The following VPS45 variants were observed in gnomAD, a reference collection of about 807,000 sequenced individuals.
The protein encoded by VPS45 is vacuolar protein sorting 45 homolog, also known as vacuolar protein sorting-associated protein 45.
In VPS45, 35 loss-of-function variants were observed where a neutral mutation model predicts 75.9. The observed-to-expected ratio is 0.46, with a 90% confidence interval of 0.35 to 0.61. The LOEUF (loss-of-function observed/expected upper bound fraction) is 0.61, where lower values mean the gene tolerates loss of function less well. VPS45 is among the 20% of genes least tolerant of loss of function. The pLI is 0.00. For missense variants in VPS45, 559 were observed against 685.9 expected, an observed-to-expected ratio of 0.81 and a Z score of 2.07; for synonymous variants, 220 against 238.2, an observed-to-expected ratio of 0.92 and a Z score of 0.70.
chr1:150,117,236 G>GT (rs1657986348), intron 14 of VPS45, among the ~76,000 whole-genome samples: 1 of 149,354 alleles, frequency 6.7e-6, no homozygotes, highest in South Asian at 2.1e-4. Context: ...ATAATAAGTA[G>GT]GGGGGCCAGG....
intron 14 of VPS45, among the ~76,000 whole-genome samples, chr1:150,140,386 G>GGTGTGTGTGTGT (rs574312693): frequency 0.018 from 2,567 of 140,364 alleles, 53 homozygotes; most frequent in African/African-American, 0.045. Context: ...CATCACTTCT[G>GGTGTGTGTGTGT]GTGTGTGTGT....
At chr1:150,126,943 G>T (rs932983913) in intron 14 of VPS45, among the ~76,000 whole-genome samples, 5 of 152,158 alleles carry the variant, frequency 3.3e-5, no homozygotes, top group Admixed American at 2.0e-4. Flanking sequence ...AAATGGAATA[G>T]TTTCTCACTG....
intron 10 of VPS45, among the ~76,000 whole-genome samples, chr1:150,088,455 A>C (rs1446668557): frequency 8.4e-6 from 1 of 118,708 alleles, no homozygotes; most frequent in African/African-American, 3.3e-5. Flanking sequence ...ATATATATAT[A>C]TGCTGCTATT....
chr1:150,120,000 A>G (rs1200355644), intron 14 of VPS45, among the ~76,000 whole-genome samples: 4 of 152,126 alleles, frequency 2.6e-5, no homozygotes, highest in Non-Finnish European at 5.9e-5. Context: ...CCCAGCTACT[A>G]GGGAGGCTGA....
intron 10 of VPS45, among the ~76,000 whole-genome samples, chr1:150,088,434 A>AATATATAT (rs200780573): frequency 0.016 from 1,991 of 125,430 alleles, 25 homozygotes; most frequent in African/African-American, 0.029. Context: ...CTGAATAATA[A>AATATATAT]ATATATATAT....
intron 13 of VPS45, among the ~76,000 whole-genome samples, chr1:150,107,691 A>T (rs2101602531): frequency 6.6e-6 from 1 of 152,324 alleles, no homozygotes; most frequent in African/African-American, 2.4e-5. Context: ...TGAGGTCAGG[A>T]GTTCAAGACC....
At chr1:150,093,232 A>G (rs781553777) in intron 12 of VPS45, among the ~76,000 whole-genome samples, 2 of 151,860 alleles carry the variant, frequency 1.3e-5, no homozygotes, top group African/African-American at 2.4e-5. Context: ...TATTTGCTCT[A>G]CCTATCATTT....
At chr1:150,128,548 C>T (rs587775440) in intron 14 of VPS45, among the ~76,000 whole-genome samples, 40 of 152,194 alleles carry the variant, frequency 2.6e-4, no homozygotes, top group African/African-American at 9.4e-4. Context: ...TAGATTTCCA[C>T]CTAAACAAGT....
chr1:150,082,529 A>AAAT (rs1328713225), intron 9 of VPS45, among the ~76,000 whole-genome samples, 187 bp from the exon 10 acceptor site: 1 of 150,132 alleles, frequency 6.7e-6, no homozygotes, highest in Non-Finnish European at 1.5e-5. Context: ...AAAAAAAAAA[A>AAAT]CTCAGTCTAC....
chr1:150,101,467 G>T (rs1553804291), intron 13 of VPS45, among the ~76,000 whole-genome samples: 1 of 152,012 alleles, frequency 6.6e-6, no homozygotes, highest in African/African-American at 2.4e-5. Context: ...TGGGCATGGT[G>T]GTTCACGCCT....
At chr1:150,071,063 C>T (rs1178785907) in intron 2 of VPS45, among the ~76,000 whole-genome samples, 3 of 151,814 alleles carry the variant, frequency 2.0e-5, no homozygotes, top group African/African-American at 7.3e-5. Context: ...ATTTTTAAAT[C>T]TAAATTACAA....
intron 14 of VPS45, among the ~76,000 whole-genome samples, chr1:150,134,586 G>A (rs1658981865): frequency 2.0e-5 from 3 of 152,066 alleles, no homozygotes; most frequent in Admixed American, 2.0e-4. Context: ...GAAGAAGATT[G>A]TGTTTTTAGC....
chr1:150,092,980 C>CT (rs1393694998), intron 12 of VPS45, among the ~76,000 whole-genome samples: 2 of 149,026 alleles, frequency 1.3e-5, no homozygotes. Context: ...GTAGCTGGGA[C>CT]TACAGGCATA....
At chr1:150,102,597 A>G (rs587729617) in intron 13 of VPS45, among the ~76,000 whole-genome samples, 1 of 151,422 alleles carries the variant, frequency 6.6e-6, no homozygotes, top group East Asian at 1.9e-4. Flanking sequence ...AGCACTTTTC[A>G]CAATAGTTAA....
At chr1:150,133,536 A>G (rs1658931900) in intron 14 of VPS45, among the ~76,000 whole-genome samples, 1 of 152,202 alleles carries the variant, frequency 6.6e-6, no homozygotes, top group South Asian at 2.1e-4. Flanking sequence ...CCTGGGCAAC[A>G]GAGCGAGACT....
At chr1:150,141,150 T>C (rs1659372705) in intron 14 of VPS45, among the ~76,000 whole-genome samples, 1 of 152,226 alleles carries the variant, frequency 6.6e-6, no homozygotes, top group East Asian at 1.9e-4. Flanking sequence ...CTTCTCCAAG[T>C]AAGTGTTTGG....
chr1:150,067,946 A>G lies in VPS45; in HGVS notation c.89A>G (p.Glu30Gly). 1 of 1,614,160 alleles carries G rather than the reference A, an allele frequency of 6.2e-7. No individual in the cohort carries two copies. The highest frequency in any genetic ancestry group is 1.1e-5 in the South Asian group (1 of 91,074). ...ATGAAAGTACTTCTCATGGATAAAGAGACGGTGAGTTTGCTTTTGCTCAGC... is the reference window on the plus strand; with the variant it reads ...ATGAAAGTACTTCTCATGGATAAAGGGACGGTGAGTTTGCTTTTGCTCAGC... The part of the protein sequence containing the change: ...PGMKVLLMDK[E>G]TTGIVSMVYT... Residue 30 changes from glutamate to glycine, a missense_variant, in exon 1 of 15, where the codon GAG becomes GGG. Glu to Gly is a moderately conservative substitution (Grantham distance 98, BLOSUM62 -2). Coordinates refer to ENST00000644510, the MANE Select transcript of VPS45 (RefSeq NM_007259.5).
chr1:150,105,620 A>G (rs782029293), intron 13 of VPS45, among the ~76,000 whole-genome samples: 11 of 152,194 alleles, frequency 7.2e-5, no homozygotes, highest in Non-Finnish European at 1.5e-4. Context: ...TAGATGACAC[A>G]AACAAATGGA....
intron 12 of VPS45, among the ~76,000 whole-genome samples, chr1:150,092,884 C>G (rs2101568506): frequency 7.3e-6 from 1 of 136,636 alleles, no homozygotes; most frequent in South Asian, 2.3e-4. Flanking sequence ...CTCTGTCTCC[C>G]AGGCTGGAGT....
Sources: allele counts gnomAD v4.1 joint callset (sites outside exome capture counted in the v4.1 genomes callset), GRCh38; gene constraint gnomAD v4.1.1; transcripts MANE v1.5; gene names NCBI Gene and HGNC (gene_info 2026-07-23, HGNC 2026-07-21).